The following SOS1 variants were observed in gnomAD, a reference collection of about 807,000 sequenced individuals.
SOS1 encodes the protein son of sevenless homolog 1.
SOS1 carries 25 observed loss-of-function variants against 157.6 expected under a neutral mutation model. That is an observed-to-expected ratio of 0.16 (90% CI 0.12 to 0.22). The LOEUF (loss-of-function observed/expected upper bound fraction) is 0.22, where lower values mean the gene tolerates loss of function less well. Among genes scored for constraint, SOS1 ranks in the 10% least tolerant of loss-of-function variants. The pLI is 1.00. For missense variants in SOS1, 1,237 were observed against 1,599.1 expected (o/e 0.77, Z 3.86); for synonymous variants, 528 against 534.0 (o/e 0.99, Z 0.16).
rs148613807 is a variant in SOS1 at position 39,100,657 on chromosome 2, T to C, written c.87+19679A>G. Among the ~76,000 whole-genome samples, 270 of 152,320 alleles carry C rather than the reference T, an allele frequency of 1.8e-3. 4 individuals are homozygous for C. Among genetic ancestry groups the C allele is most frequent in the African/African-American group, 6.0e-3 (251 of 41,560 alleles). ...CAGGCCAGGCGTGGTGACTCATACC[T>C]GTGATCCAAGCAGTTTGGGAAGCCA... On this transcript the variant is annotated intron_variant, in intron 1 of 22. Transcript: ENST00000402219.
At chr2:39,076,513 C>CTT (rs765322004) in intron 1 of SOS1, among the ~76,000 whole-genome samples, 10 of 152,080 alleles carry the variant, frequency 6.6e-5, no homozygotes, top group Non-Finnish European at 1.3e-4. Flanking sequence ...AAAAGTAAAT[C>CTT]TTTTGTGATT....
chr2:39,043,996 C>T (rs1670667290), intron 6 of SOS1, among the ~76,000 whole-genome samples: 1 of 152,170 alleles, frequency 6.6e-6, no homozygotes, highest in Non-Finnish European at 1.5e-5. Flanking sequence ...TACTCTTTTA[C>T]ATATTTTAAA....
intron 1 of SOS1, among the ~76,000 whole-genome samples, chr2:39,118,282 T>G (rs1673729526): frequency 6.6e-6 from 1 of 152,204 alleles, no homozygotes; most frequent in Non-Finnish European, 1.5e-5. Context: ...ACAAGTCGGA[T>G]GTATCTACGA....
intron 6 of SOS1, among the ~76,000 whole-genome samples, chr2:39,044,814 C>A (rs114872840): frequency 8.7e-4 from 132 of 152,068 alleles, no homozygotes; most frequent in African/African-American, 3.2e-3. Context: ...AGAACCAATT[C>A]CCCACATATA....
rs375186076 is a variant in SOS1 at position 39,035,202 on chromosome 2, G to A, written c.1074+10C>T. ...AATATGTTACAAATAACAATAAAGAGTTTTCTTACCTTCAAAAGTTCAAAG... is the reference window on the plus strand; with the variant it reads ...AATATGTTACAAATAACAATAAAGAATTTTCTTACCTTCAAAAGTTCAAAG... On this transcript the variant is annotated intron_variant, in intron 8 of 22. Coordinates refer to ENST00000402219, the MANE Select transcript of SOS1 (RefSeq NM_005633.4). The A allele has an allele frequency of 1.9e-6, 3 of 1,586,404 alleles. No homozygotes were observed. In the South Asian group the frequency reaches 3.3e-5, roughly 18 times the overall value.
At chr2:39,090,184 G>C (rs1270655459) in intron 1 of SOS1, among the ~76,000 whole-genome samples, 2 of 149,960 alleles carry the variant, frequency 1.3e-5, no homozygotes, top group African/African-American at 4.9e-5. Context: ...ACTAAATGCA[G>C]ACTACTAAAT....
intron 8 of SOS1, among the ~76,000 whole-genome samples, chr2:39,033,816 C>G (rs970568297): frequency 6.6e-6 from 1 of 152,134 alleles, no homozygotes; most frequent in Non-Finnish European, 1.5e-5. Context: ...GAACTACAGG[C>G]GTGTGCCAAC....
chr2:39,008,809 C>T (rs897420165), intron 15 of SOS1, among the ~76,000 whole-genome samples: 4 of 152,100 alleles, frequency 2.6e-5, no homozygotes, highest in African/African-American at 9.7e-5. Context: ...TCCAGTACCA[C>T]TGCCATGCAA....
chr2:39,052,101 A>G (rs917685500), intron 5 of SOS1, among the ~76,000 whole-genome samples: 4 of 152,186 alleles, frequency 2.6e-5, no homozygotes, highest in African/African-American at 9.7e-5. Flanking sequence ...GACAACCACT[A>G]ATCTACTTTG....
intron 1 of SOS1, among the ~76,000 whole-genome samples, chr2:39,110,037 T>TGC (rs1553371468): frequency 1.7e-4 from 17 of 101,716 alleles, no homozygotes; most frequent in African/African-American, 5.5e-4. Flanking sequence ...TGTGTGTGTG[T>TGC]GCGTGTGTGT....
In SOS1 at chr2:39,120,475, G is replaced by A. The variant is rs1375116308; in HGVS notation, c.-53C>T. The A allele has an allele frequency of 1.1e-5, 16 of 1,477,434 alleles. 1 individual carries two copies. In the Admixed American group the frequency reaches 2.4e-4, roughly 22 times the overall value. 91.5% of individuals were successfully genotyped at this position (1,477,434 alleles called of 1,614,324 possible). ...GAGAGGGGCGGCGGCGGCCGGGCCAGGGAGCCGCGAGAGGGCGAGCTCGCA... is the reference window on the plus strand; with the variant it reads ...GAGAGGGGCGGCGGCGGCCGGGCCAAGGAGCCGCGAGAGGGCGAGCTCGCA... On this transcript the variant is annotated 5_prime_UTR_variant, in exon 1 of 23. Transcript: ENST00000402219.
At chr2:39,122,412 A>G (rs1673920683), upstream of SOS1, among the ~76,000 whole-genome samples, 2 of 150,826 alleles carry the variant, frequency 1.3e-5, no homozygotes, top group African/African-American at 4.9e-5. Context: ...CCTGGGCAAC[A>G]AAACCAAAAC....
intron 1 of SOS1, among the ~76,000 whole-genome samples, chr2:39,097,368 G>A (rs1324063203): frequency 2.0e-5 from 3 of 152,016 alleles, no homozygotes; most frequent in African/African-American, 4.8e-5. Context: ...TTAAGGAAGC[G>A]GTCCATGAAC....
intron 8 of SOS1, among the ~76,000 whole-genome samples, chr2:39,034,481 T>C (rs1572840452): frequency 6.6e-6 from 1 of 152,230 alleles, no homozygotes; most frequent in South Asian, 2.1e-4. Flanking sequence ...ACGCTATTAA[T>C]GCATGTCTTC....
chr2:39,031,787 C>A (rs987496251), intron 8 of SOS1, among the ~76,000 whole-genome samples: 4 of 152,086 alleles, frequency 2.6e-5, no homozygotes, highest in Non-Finnish European at 5.9e-5. Context: ...AGAAAGAAAT[C>A]TAAATTTGTT....
In SOS1 at chr2:39,013,935, A is replaced by G. The variant is rs779262456; in HGVS notation, c.1995T>C (p.Asn665=). 3 of 1,605,052 alleles carry G rather than the reference A, an allele frequency of 1.9e-6. No homozygotes were observed. Among genetic ancestry groups the G allele is most frequent in the East Asian group, 2.2e-5 (1 of 44,752 alleles). Residue 665 remains asparagine (N), a synonymous_variant, in exon 12 of 23, where the codon AAT becomes AAC. Coordinates refer to ENST00000402219, the MANE Select transcript of SOS1 (RefSeq NM_005633.4). ...PTEADRIAIE[N]GDQPLSAELK... is the part of the protein sequence containing the mutation. ...GTTCTGCACTCAAGGGTTGATCTCC[A>G]TTCTCTATAGCTATGCGATCAGCTT...
chr2:39,098,296 A>C (rs1672845960), intron 1 of SOS1: 2 of 250,956 alleles, frequency 8.0e-6, no homozygotes, highest in South Asian at 1.1e-4. Context: ...TTTACTTTAG[A>C]GTCTGATCCA....
chr2:39,120,774 C>G lies in SOS1; in HGVS notation c.-352G>C, dbSNP rs933542277. 6.0e-5 allele frequency among the ~76,000 whole-genome samples: 9 copies of G among 148,900 alleles called. No homozygotes were observed. The highest frequency in any genetic ancestry group is 2.2e-4 in the African/African-American group (9 of 40,936). ...CGCCCGCCCGCCGGGGCTGCACTCC[C>G]GGGCCCGGTCTGGCCCCGCGGCGGA... On this transcript the variant is annotated 5_prime_UTR_variant, in exon 1 of 23. Coordinates refer to ENST00000402219, the MANE Select transcript of SOS1 (RefSeq NM_005633.4).
intron 10 of SOS1, among the ~76,000 whole-genome samples, chr2:39,021,534 A>T (rs58481170): frequency 6.8e-4 from 101 of 147,982 alleles, no homozygotes; most frequent in African/African-American, 2.5e-3. Flanking sequence ...GGAAAAAAAA[A>T]AAAAAAAAAA....
Sources: allele counts gnomAD v4.1 joint callset (sites outside exome capture counted in the v4.1 genomes callset), GRCh38; gene constraint gnomAD v4.1.1; transcripts MANE v1.5; gene names NCBI Gene and HGNC (gene_info 2026-07-23, HGNC 2026-07-21).